The following PHACTR3 variants were observed in gnomAD, a reference collection of about 807,000 sequenced individuals.
PHACTR3 encodes the protein phosphatase and actin regulator 3.
In PHACTR3, 16 loss-of-function variants were observed where a neutral mutation model predicts 66.8. That is an observed-to-expected ratio of 0.24 (90% CI 0.16 to 0.36). The LOEUF is 0.36. Among genes scored for constraint, PHACTR3 ranks in the 10% least tolerant of loss-of-function variants. The pLI is 1.00. For missense variants in PHACTR3, 647 were observed against 719.9 expected (o/e 0.90, Z 1.16); for synonymous variants, 323 against 292.1 (o/e 1.11, Z -1.08).
At chr20:59,602,922 C>T (rs554372483), upstream of PHACTR3, among the ~76,000 whole-genome samples, 5 of 152,204 alleles carry the variant, frequency 3.3e-5, no homozygotes, top group Non-Finnish European at 5.9e-5. Flanking sequence ...AGCTCTTCCA[C>T]GTGCTGGCTT....
chr20:59,845,928 G>A lies in PHACTR3; in HGVS notation c.1664+663G>A, dbSNP rs187644275. 3.6e-3 allele frequency among the ~76,000 whole-genome samples: 541 copies of A among 152,270 alleles called. 5 individuals carry two copies. The highest frequency in any genetic ancestry group is 6.1e-3 in the Admixed American group (93 of 15,284). ...TGACACTGGGCTTCTTAGTGATGACGAAGTTGGGAAAAGATTTAACTCTCT... is the reference window on the plus strand; with the variant it reads ...TGACACTGGGCTTCTTAGTGATGACAAAGTTGGGAAAAGATTTAACTCTCT... On this transcript the variant is annotated intron_variant, in intron 12 of 12. Coordinates refer to ENST00000371015, the MANE Select transcript of PHACTR3 (RefSeq NM_080672.5).
chr20:59,749,167 G>T (rs1254432315), intron 3 of PHACTR3, among the ~76,000 whole-genome samples: 1 of 152,132 alleles, frequency 6.6e-6, no homozygotes, highest in Non-Finnish European at 1.5e-5. Context: ...AAATCTGGAG[G>T]ATTTTCACTG....
intron 8 of PHACTR3, among the ~76,000 whole-genome samples, chr20:59,832,459 C>T (rs1199774429): frequency 6.6e-6 from 1 of 152,192 alleles, no homozygotes; most frequent in Non-Finnish European, 1.5e-5. Flanking sequence ...TCAGGGGGCC[C>T]TCACAGGCCT....
rs986405852 is a variant in PHACTR3 at position 59,738,075 on chromosome 20, C to G, written c.119-5032C>G. Reference sequence around the variant, plus strand: ...AGTGATGGTGGTAGGGAGGGGGAGGCGCCACTGCCCCTCCTGCCCACCTTC... The same window carrying G: ...AGTGATGGTGGTAGGGAGGGGGAGGGGCCACTGCCCCTCCTGCCCACCTTC... On this transcript the variant is annotated intron_variant, in intron 1 of 12. Coordinates refer to ENST00000371015, the MANE Select transcript of PHACTR3 (RefSeq NM_080672.5). The surrounding 1 kb of genome is among the most constrained non-coding windows in gnomAD (Gnocchi z 4.4). 1.3e-5 allele frequency among the ~76,000 whole-genome samples: 2 copies of G among 152,050 alleles called. No individual in the cohort carries two copies. The highest frequency in any genetic ancestry group is 3.9e-4 in the East Asian group (2 of 5,152).
chr20:59,810,319 T>A lies in PHACTR3; in HGVS notation c.1328+4125T>A, dbSNP rs2041698411. On this transcript the variant is annotated intron_variant, in intron 8 of 12. Transcript: ENST00000371015. ...TTTTTACTCCATTACTTACTGAATCTGGAACTAATTTTAAACCTTGGACTG... is the reference window on the plus strand; with the variant it reads ...TTTTTACTCCATTACTTACTGAATCAGGAACTAATTTTAAACCTTGGACTG... Among the ~76,000 whole-genome samples, 4 of 152,242 alleles carry A rather than the reference T, an allele frequency of 2.6e-5. No individual in the cohort carries two copies. The South Asian group carries it at 8.3e-4, about 31-fold the overall frequency.
At chr20:59,577,710 T>G in intron 1 of PHACTR3, 1 of 890,350 alleles carries the variant, frequency 1.1e-6, no homozygotes, top group Non-Finnish European at 1.4e-6. Flanking sequence ...CCTGAATCCC[T>G]TGCCCTTGGC....
intron 1 of PHACTR3, among the ~76,000 whole-genome samples, chr20:59,660,667 A>T (rs1343838271): frequency 6.6e-6 from 1 of 152,256 alleles, no homozygotes; most frequent in Non-Finnish European, 1.5e-5. Context: ...CAGCTGGCAA[A>T]TGCCTTAAAT....
intron 1 of PHACTR3, among the ~76,000 whole-genome samples, chr20:59,670,776 T>C (rs1180262888): frequency 6.6e-6 from 1 of 152,200 alleles, no homozygotes; most frequent in Non-Finnish European, 1.5e-5. Context: ...CATCTTCTAC[T>C]GCACTTGGCT....
Position 59,704,794 on chromosome 20 carries a change from G to A in PHACTR3, c.119-38313G>A, listed in dbSNP as rs191257994. ...AATTTTGAGAGCCATTCTATTATGT[G>A]TATGCTACAAGAAGAATATTATGAG... is the stretch of plus-strand genomic sequence containing the variant. On this transcript the variant is annotated intron_variant, in intron 1 of 12. Transcript: ENST00000371015. Among the ~76,000 whole-genome samples, 706 of 151,482 alleles carry A rather than the reference G, an allele frequency of 4.7e-3. 1 individual carries two copies. The highest frequency in any genetic ancestry group is 0.034 in the Middle Eastern group (10 of 294).
At chr20:59,702,706 A>G (rs2037550194) in intron 1 of PHACTR3, among the ~76,000 whole-genome samples, 1 of 152,216 alleles carries the variant, frequency 6.6e-6, no homozygotes, top group South Asian at 2.1e-4. Context: ...TTGCTGGATA[A>G]GTAAGTGATG....
At chr20:59,627,549 A>C (rs1600950260) in intron 1 of PHACTR3, among the ~76,000 whole-genome samples, 1 of 152,310 alleles carries the variant, frequency 6.6e-6, no homozygotes, top group East Asian at 1.9e-4. Flanking sequence ...TGCTCTGTTC[A>C]GCTGTGGACA....
chr20:59,788,409 G>A (rs1197947603), intron 7 of PHACTR3, among the ~76,000 whole-genome samples: 1 of 151,980 alleles, frequency 6.6e-6, no homozygotes, highest in African/African-American at 2.4e-5. Context: ...ACGCCTGGCA[G>A]CCCCTCCTCC....
intron 5 of PHACTR3, among the ~76,000 whole-genome samples, chr20:59,769,758 G>A (rs2040302678): frequency 6.6e-6 from 1 of 152,226 alleles, no homozygotes; most frequent in Non-Finnish European, 1.5e-5. Context: ...GAATGAATGA[G>A]TGAATGAATG....
intron 1 of PHACTR3, among the ~76,000 whole-genome samples, chr20:59,610,326 C>A (rs900324588): frequency 2.0e-5 from 3 of 152,166 alleles, no homozygotes; most frequent in Admixed American, 2.0e-4. Flanking sequence ...GACAATGGAC[C>A]CCTTTGTCTT....
chr20:59,705,178 A>T (rs1455107920), intron 1 of PHACTR3, among the ~76,000 whole-genome samples: 1 of 152,094 alleles, frequency 6.6e-6, no homozygotes, highest in Non-Finnish European at 1.5e-5. Context: ...GCTGGTCTCC[A>T]ACTCCTGAAC....
chr20:59,815,105 G>C (rs16983191), intron 8 of PHACTR3, among the ~76,000 whole-genome samples: 4,863 of 152,228 alleles, frequency 0.032, 93 homozygotes, highest in African/African-American at 0.046. Context: ...GACTCGAAGA[G>C]GGTTCTTGTT....
intron 9 of PHACTR3, 32 bp downstream of exon 9, chr20:59,836,592 C>G (rs770695048): frequency 6.2e-7 from 1 of 1,602,038 alleles, no homozygotes; most frequent in Non-Finnish European, 8.5e-7. Flanking sequence ...TAGAGGTTTT[C>G]CTTCACGTGT....
chr20:59,694,303 C>CCAA (rs1211563944), intron 1 of PHACTR3, among the ~76,000 whole-genome samples: 1 of 152,094 alleles, frequency 6.6e-6, no homozygotes, highest in Non-Finnish European at 1.5e-5. Flanking sequence ...CTCTGCTTGT[C>CCAA]ACACAGGGAT....
Position 59,593,681 on chromosome 20 carries a change from T to G in PHACTR3, c.109+16064T>G, listed in dbSNP as rs73299589. On this transcript the variant is annotated intron_variant, in intron 1 of 12. Transcript: ENST00000359926. ...ATTTTGAATTAATTTTTGTGAAGGG[T>G]GTAAGGCTTATGTCTAGATTCAGTT... Among the ~76,000 whole-genome samples the G allele has an allele frequency of 5.8e-3, 883 of 152,330 alleles. 9 individuals carry two copies. Among genetic ancestry groups the G allele is most frequent in the African/African-American group, 0.02 (829 of 41,572 alleles).
Sources: gnomAD v4.1 joint callset for allele counts (sites outside exome capture counted in the v4.1 genomes callset) on GRCh38, gnomAD v4.1.1 for gene constraint, Gnocchi (gnomAD v3.1) non-coding constraint, MANE v1.5 for transcripts, NCBI Gene and HGNC (gene_info 2026-07-23, HGNC 2026-07-21) for gene names.